Variants in PBX1 observed in about 807,000 individuals in gnomAD.
PBX1 encodes pre-B-cell leukemia transcription factor 1.
PBX1 carries 6 observed loss-of-function variants against 53.4 expected under a neutral mutation model. The ratio of observed to expected loss-of-function variants is 0.11; its 90% CI spans 0.06 to 0.22. The LOEUF is 0.22. Ranked by LOEUF, PBX1 falls within the 10% of genes least tolerant of loss-of-function variation. The pLI is 1.00. For missense variants in PBX1, 251 were observed against 551.4 expected (o/e 0.46, Z 5.46); for synonymous variants, 204 against 212.3 (o/e 0.96, Z 0.34).
rs1050964793 is a variant in PBX1 at position 164,884,416 on chromosome 1, G to C, written n.258-14772G>C. On this transcript the variant is annotated intron_variant and non_coding_transcript_variant, in intron 2 of 2. Coordinates refer to the PBX1 transcript ENST00000558796. ...AGCTGCTCATTGAGATCTTGCCAGA[G>C]GGTGGGCGAAAGAAATAAAAACTGA... is the stretch of plus-strand genomic sequence containing the variant. The C allele has an allele frequency of 3.5e-4, 107 of 304,878 alleles. 4 individuals are homozygous for C. The highest frequency in any genetic ancestry group is 3.4e-3 in the South Asian group (103 of 30,124). 18.9% of individuals were successfully genotyped at this position (304,878 alleles called of 1,614,324 possible).
At chr1:164,655,016 T>C (rs1362774897) in intron 2 of PBX1, among the ~76,000 whole-genome samples, 1 of 151,796 alleles carries the variant, frequency 6.6e-6, no homozygotes, top group African/African-American at 2.4e-5. Flanking sequence ...ATTGGATAAC[T>C]CAGGGGAAGA....
At chr1:164,645,156 G>A (rs1659378097) in intron 2 of PBX1, among the ~76,000 whole-genome samples, 1 of 152,156 alleles carries the variant, frequency 6.6e-6, no homozygotes, top group Admixed American at 6.5e-5. Context: ...AAGGCCTCCA[G>A]CCTCAAAAGG....
intron 2 of PBX1, among the ~76,000 whole-genome samples, chr1:164,726,696 A>G (rs761002206): frequency 6.6e-6 from 1 of 152,178 alleles, no homozygotes; most frequent in African/African-American, 2.4e-5. Context: ...TATTTCCTAT[A>G]ACCTATAATG....
At chr1:164,618,860 A>G (rs1046290999) in intron 2 of PBX1, among the ~76,000 whole-genome samples, 2 of 152,214 alleles carry the variant, frequency 1.3e-5, no homozygotes, top group African/African-American at 2.4e-5. Flanking sequence ...AGCCCTCTAT[A>G]TGGACTTGCG....
chr1:164,867,527 G>A (rs1672246293), intron 2 of PBX1, among the ~76,000 whole-genome samples: 1 of 152,226 alleles, frequency 6.6e-6, no homozygotes, highest in South Asian at 2.1e-4. Flanking sequence ...GAGCCAGAGT[G>A]GGCCTATCCA....
chr1:164,823,112 A>G (rs1031182504), intron 8 of PBX1, among the ~76,000 whole-genome samples: 1 of 152,204 alleles, frequency 6.6e-6, no homozygotes, highest in African/African-American at 2.4e-5. Flanking sequence ...AGAGAAGTCA[A>G]AGTTAACCCT....
At chr1:164,712,840 C>T (rs1663877524) in intron 2 of PBX1, among the ~76,000 whole-genome samples, 1 of 152,176 alleles carries the variant, frequency 6.6e-6, no homozygotes, top group South Asian at 2.1e-4. Flanking sequence ...CATAGGTGTG[C>T]GGTTCTGAAA....
chr1:164,818,411 A>G (rs1276328856), intron 6 of PBX1: 3 of 152,194 alleles, frequency 2.0e-5, no homozygotes, highest in Non-Finnish European at 2.9e-5. Context: ...CTAAACAGAG[A>G]AATGTGGGCC....
At chr1:164,599,056 T>C (rs1655969138) in intron 2 of PBX1, among the ~76,000 whole-genome samples, 1 of 142,720 alleles carries the variant, frequency 7.0e-6, no homozygotes, top group Non-Finnish European at 1.5e-5. Context: ...ATTTTCTGTC[T>C]CTTTTTTCCT....
At chr1:164,605,108 C>CT (rs1656463223) in intron 2 of PBX1, 1 of 151,926 alleles carries the variant, frequency 6.6e-6, no homozygotes, top group Admixed American at 6.6e-5. Flanking sequence ...GATGGGGATA[C>CT]TGAGAGAGTA....
chr1:164,799,140 T>C (rs1183816794), intron 3 of PBX1, among the ~76,000 whole-genome samples: 1 of 152,094 alleles, frequency 6.6e-6, no homozygotes, highest in Non-Finnish European at 1.5e-5. Flanking sequence ...GGTAAAATCA[T>C]GGGAAAAAAA....
chr1:164,560,256 G>A, intron 1 of PBX1: 1 of 413,950 alleles, frequency 2.4e-6, no homozygotes, highest in Non-Finnish European at 4.3e-6. Flanking sequence ...GTGAATATAG[G>A]GGTATTCATT....
In PBX1 at chr1:164,847,577, T is replaced by G. The variant is rs1671636752; in HGVS notation, c.*901T>G. The G allele has an allele frequency of 9.4e-7, 1 of 1,062,834 alleles. No individual in the cohort carries two copies. Among genetic ancestry groups the G allele is most frequent in the Non-Finnish European group, 1.1e-6 (1 of 877,886 alleles). 65.8% of individuals were successfully genotyped at this position (1,062,834 alleles called of 1,614,324 possible). ...GAATGCATCAGCAAGGAATAGAAAG[T>G]TCTTATCGTGAAACCCTTCAACCTC... On this transcript the variant is annotated 3_prime_UTR_variant, in exon 9 of 9. Coordinates refer to ENST00000420696, the MANE Select transcript of PBX1 (RefSeq NM_002585.4).
At chr1:164,694,872 C>T (rs1017695861) in intron 2 of PBX1, among the ~76,000 whole-genome samples, 2 of 152,230 alleles carry the variant, frequency 1.3e-5, no homozygotes, top group Non-Finnish European at 2.9e-5. Flanking sequence ...CAGGCACTCA[C>T]TATCTTTCAC....
chr1:164,560,468 G>C (rs554169881), intron 1 of PBX1: 3 of 328,208 alleles, frequency 9.1e-6, no homozygotes, highest in Middle Eastern at 8.2e-4. Context: ...TGCAAATTTA[G>C]TTGACTCCTT....
intron 8 of PBX1, among the ~76,000 whole-genome samples, chr1:164,835,997 A>G (rs6684310): frequency 0.52 from 78,741 of 151,984 alleles, 21,076 homozygotes; most frequent in African/African-American, 0.63. Flanking sequence ...TGGAAAGTTT[A>G]GGGGGAGATC....
At chr1:164,653,897 T>G (rs1557918834) in intron 2 of PBX1, among the ~76,000 whole-genome samples, 1 of 152,214 alleles carries the variant, frequency 6.6e-6, no homozygotes, top group African/African-American at 2.4e-5. Flanking sequence ...TCATTGTCCT[T>G]GGCTATTTAT....
chr1:164,714,740 G>A (rs1294581089), intron 2 of PBX1, among the ~76,000 whole-genome samples: 1 of 152,164 alleles, frequency 6.6e-6, no homozygotes, highest in Non-Finnish European at 1.5e-5. Flanking sequence ...ACAAGTGTTA[G>A]AATTATGTCG....
At chr1:164,863,577 A>G (rs939341112) in intron 2 of PBX1, among the ~76,000 whole-genome samples, 2 of 152,244 alleles carry the variant, frequency 1.3e-5, no homozygotes, top group Non-Finnish European at 2.9e-5. Context: ...ATGTGATCCT[A>G]TGAGAGCCTA....
Sources: gnomAD v4.1 joint callset for allele counts (sites outside exome capture counted in the v4.1 genomes callset) on GRCh38, gnomAD v4.1.1 for gene constraint, MANE v1.5 for transcripts, NCBI Gene and HGNC (gene_info 2026-07-23, HGNC 2026-07-21) for gene names.